CROT: variants seen among roughly 807,000 people sequenced by gnomAD.
CROT encodes carnitine O-octanoyltransferase.
Under a neutral mutation model 89.2 loss-of-function variants are expected in CROT, and 84 were observed. That is an observed-to-expected ratio of 0.94 (90% CI 0.79 to 1.13). The LOEUF (loss-of-function observed/expected upper bound fraction) is 1.13. Among genes scored for constraint, CROT ranks in the 50% most tolerant of loss-of-function variants. The pLI, the probability that CROT is intolerant of heterozygous loss-of-function variation, is 0.00. For missense variants in CROT, 711 were observed against 727.8 expected, an observed-to-expected ratio of 0.98 and a Z score of 0.27; for synonymous variants, 212 against 239.5, an observed-to-expected ratio of 0.89 and a Z score of 1.06.
intron 3 of CROT, among the ~76,000 whole-genome samples, chr7:87,355,173 C>T (rs1321698631): frequency 6.6e-6 from 1 of 151,746 alleles, no homozygotes; most frequent in Middle Eastern, 3.2e-3. Context: ...ATTCACGGCT[C>T]ATTGCAGCCT....
At chr7:87,367,435 C>T (rs915680371) in intron 6 of CROT, among the ~76,000 whole-genome samples, 1 of 152,182 alleles carries the variant, frequency 6.6e-6, no homozygotes, top group Non-Finnish European at 1.5e-5. Flanking sequence ...CCCAGTAAGA[C>T]ACATTTCAGA....
chr7:87,371,836 A>T (rs1239508947), intron 7 of CROT, among the ~76,000 whole-genome samples: 3 of 152,006 alleles, frequency 2.0e-5, no homozygotes, highest in East Asian at 1.9e-4. Flanking sequence ...ATAAAAAGTT[A>T]AAAAATTAGC....
Position 87,382,441 on chromosome 7 carries a change from C to T in CROT, c.1199C>T (p.Ala400Val). 6.2e-7 allele frequency: 1 copy of T among 1,613,714 alleles called. No homozygotes were observed. The highest frequency in any genetic ancestry group is 2.2e-5 in the East Asian group (1 of 44,858). Residue 400 changes from alanine (A) to valine (V), a missense_variant, in exon 13 of 18, where the codon GCC (alanine) becomes GTC (valine). By Grantham distance (64) the Ala-to-Val change is moderately conservative. Transcript: ENST00000331536. ...TCTGATCTACAGATTGCGGCTTATG[C>T]CTTTACATCTTTTGGCAAAAAGCTA... ...EASDLQIAAYAFTSFGKKLTK... is the reference protein window; with the variant it reads ...EASDLQIAAYVFTSFGKKLTK...
At chr7:87,347,136 T>C (rs1805708665) in intron 2 of CROT, among the ~76,000 whole-genome samples, 1 of 152,240 alleles carries the variant, frequency 6.6e-6, no homozygotes, top group Non-Finnish European at 1.5e-5. Flanking sequence ...GAAAGCTCTT[T>C]GCTCTTATGG....
chr7:87,374,272 G>A (rs541879018), intron 7 of CROT, among the ~76,000 whole-genome samples: 2 of 152,148 alleles, frequency 1.3e-5, no homozygotes, highest in South Asian at 2.1e-4. Context: ...TAATGGTGGC[G>A]ATTTGGGCAG....
intron 4 of CROT, among the ~76,000 whole-genome samples, chr7:87,360,775 A>G (rs1806240733): frequency 6.6e-6 from 1 of 152,088 alleles, no homozygotes; most frequent in Non-Finnish European, 1.5e-5. Flanking sequence ...AGAAACACCT[A>G]TGTACTTTAT....
At chr7:87,348,939 G>C in intron 2 of CROT, 109 bp from the exon 3 acceptor site, 2 of 489,056 alleles carry the variant, frequency 4.1e-6, no homozygotes, top group Non-Finnish European at 7.4e-6. Context: ...CCAAGTCCTA[G>C]ATATGCTGTG....
At chr7:87,347,249 C>T (rs1805713725) in intron 2 of CROT, among the ~76,000 whole-genome samples, 1 of 152,182 alleles carries the variant, frequency 6.6e-6, no homozygotes, top group African/African-American at 2.4e-5. Context: ...ACCATATTCG[C>T]AGGTTCTGGG....
intron 6 of CROT, among the ~76,000 whole-genome samples, chr7:87,367,903 A>G (rs1284217705): frequency 6.6e-6 from 1 of 152,138 alleles, no homozygotes; most frequent in African/African-American, 2.4e-5. Context: ...AACTTGGCAT[A>G]CCTTCTCTTC....
chr7:87,398,902 T>G lies in CROT; in HGVS notation c.*258T>G, dbSNP rs1478634704. The G allele has an allele frequency of 7.9e-6, 3 of 377,932 alleles. No individual in the cohort carries two copies. The highest frequency in any genetic ancestry group is 8.7e-5 in the Admixed American group (2 of 22,946). The allele number at this position is 377,932 out of a possible 1,614,324, so 23.4% of individuals were successfully genotyped here. On this transcript the variant is annotated 3_prime_UTR_variant, in exon 18 of 18. Coordinates refer to ENST00000331536, the MANE Select transcript of CROT (RefSeq NM_021151.4). ...TAGTGAATATAGAACTATGCAGTAT[T>G]TAAGCCTCAACAATCCAAATCTACA...
chr7:87,356,551 T>C (rs1306579420), intron 3 of CROT, among the ~76,000 whole-genome samples: 5 of 152,194 alleles, frequency 3.3e-5, no homozygotes, highest in Admixed American at 2.6e-4. Flanking sequence ...TAGAGAGCTT[T>C]AGAAGACTCT....
intron 6 of CROT, among the ~76,000 whole-genome samples, chr7:87,362,304 CTTTT>C (rs1237429320): frequency 0.023 from 2,999 of 132,346 alleles, 48 homozygotes; most frequent in South Asian, 0.082. Context: ...GTCACTCTTC[CTTTT>C]TTTTTTTTTT....
At chr7:87,356,244 G>T (rs1322456762) in intron 3 of CROT, among the ~76,000 whole-genome samples, 1 of 152,130 alleles carries the variant, frequency 6.6e-6, no homozygotes, top group East Asian at 1.9e-4. Context: ...TTCTTAATTG[G>T]AAATGACTCA....
chr7:87,375,105 T>C (rs1044618897), intron 7 of CROT: 1 of 153,372 alleles, frequency 6.5e-6, no homozygotes, highest in Admixed American at 6.5e-5. Context: ...AATATAATGA[T>C]TAGAAGTAAC....
Position 87,375,814 on chromosome 7 carries a change from T to A in CROT, c.751-14T>A. On this transcript the variant is annotated splice_polypyrimidine_tract_variant and intron_variant, in intron 8 of 17. Coordinates refer to ENST00000331536, the MANE Select transcript of CROT (RefSeq NM_021151.4). ...TCAGTTGTAATATTTGATCATCATC[T>A]CCTTGCCCTTTAGGCACGAGAATAT... The A allele has an allele frequency of 6.2e-7, 1 of 1,613,108 alleles. No homozygotes were observed. Among genetic ancestry groups the A allele is most frequent in the Non-Finnish European group, 8.5e-7 (1 of 1,179,424 alleles).
chr7:87,395,131 C>T (rs550534752), intron 17 of CROT, among the ~76,000 whole-genome samples: 1 of 152,146 alleles, frequency 6.6e-6, no homozygotes, highest in South Asian at 2.1e-4. Context: ...CCACAATAGG[C>T]CAGCTGCAAG....
In CROT at chr7:87,398,727, G is replaced by A; in HGVS notation, c.*83G>A. The A allele has an allele frequency of 7.5e-7, 1 of 1,327,874 alleles. No homozygotes were observed. The highest frequency in any genetic ancestry group is 1.0e-6 in the Non-Finnish European group (1 of 961,720). 82.3% of individuals were successfully genotyped at this position (1,327,874 alleles called of 1,614,324 possible). On this transcript the variant is annotated 3_prime_UTR_variant, in exon 18 of 18. Transcript: ENST00000331536. ...TGAGTTGGTAATATGAGATGGGAAG[G>A]AATGTTGACTTGCTAACATTCCTTT...
chr7:87,361,186 GT>G (rs1806256125), intron 4 of CROT, among the ~76,000 whole-genome samples: 2 of 151,492 alleles, frequency 1.3e-5, no homozygotes, highest in Non-Finnish European at 2.9e-5. Flanking sequence ...TGGCCTCTAG[GT>G]CCTGGACTCA....
At position 87,398,490 on chromosome 7, in the gene CROT, T is replaced by C. The variant is rs1286266717; in HGVS notation, c.1719-34T>C. ...TTCACCATCACTATTTGGAGCCTTTTGTGTAATCATTAATCATTATTTATG... is the reference window on the plus strand; with the variant it reads ...TTCACCATCACTATTTGGAGCCTTTCGTGTAATCATTAATCATTATTTATG... On this transcript the variant is annotated intron_variant, in intron 17 of 17. Transcript: ENST00000331536. 2.5e-6 allele frequency: 4 copies of C among 1,611,520 alleles called. No individual in the cohort carries two copies. The Admixed American group carries it at 6.7e-5, about 27-fold the overall frequency.
Sources: allele counts gnomAD v4.1 joint callset (sites outside exome capture counted in the v4.1 genomes callset), GRCh38; gene constraint gnomAD v4.1.1; transcripts MANE v1.5; gene names NCBI Gene and HGNC (gene_info 2026-07-23, HGNC 2026-07-21).